Variants in PTCHD4 observed in about 807,000 individuals in gnomAD.
PTCHD4 encodes patched domain containing 4.
Under a neutral mutation model 58.1 loss-of-function variants are expected in PTCHD4, and 33 were observed. The observed-to-expected ratio is 0.57, with a 90% confidence interval of 0.43 to 0.76. The LOEUF is 0.76. Ranked by LOEUF, PTCHD4 falls within the 30% of genes least tolerant of loss-of-function variation. PTCHD4 has a pLI of 0.00. For missense variants in PTCHD4, 1,058 were observed against 1,027.1 expected, an observed-to-expected ratio of 1.03 and a Z score of -0.41; for synonymous variants, 478 against 409.6, an observed-to-expected ratio of 1.17 and a Z score of -2.02.
intron 4 of PTCHD4, among the ~76,000 whole-genome samples, chr6:47,923,032 T>G (rs1266811600): frequency 6.6e-6 from 1 of 152,206 alleles, no homozygotes; most frequent in Non-Finnish European, 1.5e-5. Flanking sequence ...GTTTTCAGTT[T>G]CCTCTTGTGC....
Position 47,875,313 on chromosome 6 carries a change from A to G in PTCHD4, c.*2990T>C, listed in dbSNP as rs539197928. 6.6e-6 allele frequency among the ~76,000 whole-genome samples: 1 copy of G among 151,906 alleles called. No homozygotes were observed. The highest frequency in any genetic ancestry group is 1.5e-5 in the Non-Finnish European group (1 of 67,840). Reference sequence around the variant, plus strand: ...GGAGAGGTGCATACAAGCTACCAAAAAAGGTTGGGATTGGGGGTGACCTGC... The same window carrying G: ...GGAGAGGTGCATACAAGCTACCAAAGAAGGTTGGGATTGGGGGTGACCTGC... On this transcript the variant is annotated 3_prime_UTR_variant, in exon 5 of 5. Coordinates refer to ENST00000339488, the MANE Select transcript of PTCHD4 (RefSeq NM_001384253.1).
intron 3 of PTCHD4, among the ~76,000 whole-genome samples, chr6:48,013,927 A>C (rs1000903840): frequency 6.6e-6 from 1 of 152,146 alleles, no homozygotes; most frequent in African/African-American, 2.4e-5. Flanking sequence ...TATCTGGACA[A>C]AAGACAAAAT....
intron 3 of PTCHD4, among the ~76,000 whole-genome samples, chr6:48,013,406 C>G (rs1762756136): frequency 6.7e-6 from 1 of 149,842 alleles, no homozygotes; most frequent in Admixed American, 6.7e-5. Context: ...ATGTCTCCCA[C>G]TTCCATGTAA....
At chr6:47,908,681 C>T (rs1340934299) in intron 4 of PTCHD4, among the ~76,000 whole-genome samples, 3 of 152,106 alleles carry the variant, frequency 2.0e-5, no homozygotes, top group Non-Finnish European at 4.4e-5. Flanking sequence ...ATGGTTTCTA[C>T]CAATGTTTTC....
At chr6:48,037,762 C>T (rs1212872193) in intron 3 of PTCHD4, among the ~76,000 whole-genome samples, 1 of 151,926 alleles carries the variant, frequency 6.6e-6, no homozygotes, top group East Asian at 1.9e-4. Context: ...TGAGGTGGCA[C>T]ACAGTATTCT....
chr6:47,990,806 A>C (rs1158409592), intron 4 of PTCHD4, among the ~76,000 whole-genome samples: 2 of 152,240 alleles, frequency 1.3e-5, no homozygotes, highest in Non-Finnish European at 2.9e-5. Context: ...GTATAGACAT[A>C]GGCAACTCCA....
chr6:48,106,762 C>G (rs1388059995), intron 1 of PTCHD4, among the ~76,000 whole-genome samples: 5 of 152,158 alleles, frequency 3.3e-5, no homozygotes, highest in African/African-American at 1.2e-4. Flanking sequence ...TCTCAGGATA[C>G]AAAATCAATG....
intron 4 of PTCHD4, among the ~76,000 whole-genome samples, chr6:47,925,181 ATGTGTGTGTG>A (rs144217387): frequency 7.5e-5 from 11 of 146,852 alleles, no homozygotes; most frequent in Non-Finnish European, 1.5e-4. Context: ...TATTATATAT[ATGTGTGTGTG>A]TGTGTGTGTG....
rs540183570 is a variant in PTCHD4 at position 47,872,221 on chromosome 6, G to A, written c.*6082C>T. ...ATATAAGTTAAATTTATATAGCACT[G>A]AAAAGTTATACATTTTTATTAAACA... On this transcript the variant is annotated 3_prime_UTR_variant, in exon 5 of 5. Transcript: ENST00000339488. Among the ~76,000 whole-genome samples, 4 of 151,748 alleles carry A rather than the reference G, an allele frequency of 2.6e-5. No individual in the cohort carries two copies. The East Asian group carries it at 7.8e-4, about 30-fold the overall frequency.
intron 4 of PTCHD4, among the ~76,000 whole-genome samples, chr6:47,936,844 A>C (rs1766017344): frequency 6.6e-6 from 1 of 152,214 alleles, no homozygotes; most frequent in Admixed American, 6.5e-5. Flanking sequence ...CAATAGAAAA[A>C]AGTAGAGTAG....
intron 3 of PTCHD4, among the ~76,000 whole-genome samples, chr6:48,032,996 C>T (rs1043225152): frequency 6.6e-6 from 1 of 152,040 alleles, no homozygotes; most frequent in Non-Finnish European, 1.5e-5. Flanking sequence ...ACTTATTGAA[C>T]AAAGAGTTGT....
At chr6:47,943,300 G>A (rs1766301653) in intron 4 of PTCHD4, among the ~76,000 whole-genome samples, 1 of 152,090 alleles carries the variant, frequency 6.6e-6, no homozygotes, top group South Asian at 2.1e-4. Flanking sequence ...TGATGATTGT[G>A]CACAAAACTT....
intron 4 of PTCHD4, among the ~76,000 whole-genome samples, chr6:48,003,353 C>T (rs1260846478): frequency 6.6e-6 from 1 of 152,164 alleles, no homozygotes; most frequent in Non-Finnish European, 1.5e-5. Flanking sequence ...CATGACTTCA[C>T]TACTGCAGTA....
chr6:47,933,578 G>A (rs960103969), intron 4 of PTCHD4, among the ~76,000 whole-genome samples: 3 of 152,168 alleles, frequency 2.0e-5, no homozygotes, highest in African/African-American at 7.2e-5. Flanking sequence ...AGATGAACTG[G>A]ATTCAAATAT....
At chr6:48,020,764 A>G (rs770256109) in intron 3 of PTCHD4, among the ~76,000 whole-genome samples, 30 of 152,160 alleles carry the variant, frequency 2.0e-4, no homozygotes, top group Non-Finnish European at 3.2e-4. Flanking sequence ...CTGGGGCTGC[A>G]AAACTATACA....
chr6:47,918,366 GA>G (rs1257525117), intron 4 of PTCHD4, among the ~76,000 whole-genome samples: 2 of 151,830 alleles, frequency 1.3e-5, no homozygotes, highest in South Asian at 2.1e-4. Flanking sequence ...CTCTAAACTA[GA>G]AAAAAAATCC....
At chr6:48,021,594 C>T (rs116048825) in intron 3 of PTCHD4, among the ~76,000 whole-genome samples, 1,799 of 149,988 alleles carry the variant, frequency 0.012, 23 homozygotes, top group South Asian at 0.028. Flanking sequence ...AACTATCATG[C>T]TAAGTGAAAG....
intron 4 of PTCHD4, among the ~76,000 whole-genome samples, chr6:47,941,330 T>G (rs1320628272): frequency 1.3e-5 from 2 of 152,160 alleles, no homozygotes; most frequent in Non-Finnish European, 2.9e-5. Flanking sequence ...TGGCATGCCC[T>G]GCAGGTCGGC....
intron 3 of PTCHD4, among the ~76,000 whole-genome samples, chr6:48,020,775 C>T (rs1194071120): frequency 6.6e-6 from 1 of 152,030 alleles, no homozygotes; most frequent in African/African-American, 2.4e-5. Context: ...AAACTATACA[C>T]ATTACAGCAT....
Sources: allele counts gnomAD v4.1 joint callset (sites outside exome capture counted in the v4.1 genomes callset), GRCh38; gene constraint gnomAD v4.1.1; transcripts MANE v1.5; gene names NCBI Gene and HGNC (gene_info 2026-07-23, HGNC 2026-07-21).